CABLES1: variants seen among roughly 807,000 people sequenced by gnomAD.
CABLES1 encodes the protein Cdk5 and Abl enzyme substrate 1.
A neutral mutation model predicts 57.8 loss-of-function variants in CABLES1; 36 were observed. The ratio of observed to expected loss-of-function variants is 0.62; its 90% CI spans 0.48 to 0.82. The LOEUF is 0.82. Ranked by LOEUF, CABLES1 falls within the 40% of genes least tolerant of loss-of-function variation. The pLI, the probability that CABLES1 is intolerant of heterozygous loss-of-function variation, is 0.00. For synonymous variants in CABLES1, 374 were observed against 363.0 expected (o/e 1.03, Z -0.35); for missense variants, 767 against 836.6 (o/e 0.92, Z 1.03).
At chr18:23,224,356 G>A (rs1007755108) in intron 4 of CABLES1, among the ~76,000 whole-genome samples, 1 of 152,018 alleles carries the variant, frequency 6.6e-6, no homozygotes, top group African/African-American at 2.4e-5. Context: ...AGGCAGTGTG[G>A]TGCTTGGGAA....
intron 6 of CABLES1, among the ~76,000 whole-genome samples, chr18:23,236,460 A>G (rs2047613856): frequency 6.6e-6 from 1 of 151,820 alleles, no homozygotes; most frequent in African/African-American, 2.4e-5. Context: ...CTTTGTGCCT[A>G]TCTTGGTGGG....
chr18:23,164,056 G>A (rs2047023815), intron 1 of CABLES1, among the ~76,000 whole-genome samples: 1 of 152,150 alleles, frequency 6.6e-6, no homozygotes, highest in Admixed American at 6.5e-5. Context: ...TAACTACTGT[G>A]CCATGCTGTG....
intron 3 of CABLES1, among the ~76,000 whole-genome samples, chr18:23,212,183 A>C (rs1334176051): frequency 1.3e-5 from 2 of 152,252 alleles, no homozygotes; most frequent in Non-Finnish European, 2.9e-5. Context: ...TTCTGAGTCC[A>C]TGGACTAGGC....
chr18:23,215,846 C>T (rs185239709), intron 4 of CABLES1, among the ~76,000 whole-genome samples: 24 of 152,056 alleles, frequency 1.6e-4, no homozygotes, highest in Non-Finnish European at 2.6e-4. Context: ...CTCCGCCTCC[C>T]GGGTTCACGC....
intron 1 of CABLES1, among the ~76,000 whole-genome samples, chr18:23,165,301 T>C (rs2047034650): frequency 6.6e-6 from 1 of 152,314 alleles, no homozygotes. Flanking sequence ...TCTCACTATG[T>C]TGCTTAGGCT....
chr18:23,189,040 G>A (rs1337731405), intron 2 of CABLES1, 131 bp downstream of exon 2: 17 of 629,936 alleles, frequency 2.7e-5, no homozygotes, highest in Non-Finnish European at 4.7e-5. Context: ...GGGACTATGG[G>A]ACATCTCCTA....
At position 23,234,630 on chromosome 18, in the gene CABLES1, A is replaced by G. The variant is rs533750407; in HGVS notation, c.1111A>G (p.Arg371Gly). 5 of 1,613,952 alleles carry G rather than the reference A, an allele frequency of 3.1e-6. No homozygotes were observed. The highest frequency in any genetic ancestry group is 1.1e-5 in the South Asian group (1 of 91,072). The change falls in exon 5 of 10, where the codon AGA becomes GGA. Residue 371 changes from arginine (R) to glycine (G), a missense_variant. By Grantham distance (125) the Arg-to-Gly change is moderately radical (BLOSUM62 -2). This residue lies in a region of CABLES1 where 529 missense variants were observed against 622.8 expected (regional missense o/e 0.85). Coordinates refer to ENST00000256925, the MANE Select transcript of CABLES1 (RefSeq NM_001100619.3). Reference protein sequence around the residue: ...QVGDLKLDGGRQSTGAVSLKE... With the variant: ...QVGDLKLDGGGQSTGAVSLKE... ...CAGGGACTTGAAGTTGGACGGAGGA[A>G]GACAATCAACTGGTGCAGTGAGTTT...
rs1376062397 is a variant in CABLES1 at position 23,211,603 on chromosome 18, T to G, written c.1011-2374T>G. ...GGCAGACTTATTAGTACCCAAAAAG[T>G]CCGTGGGTACCCAGTCACGCCCCCA... On this transcript the variant is annotated intron_variant, in intron 3 of 9. Coordinates refer to ENST00000256925, the MANE Select transcript of CABLES1 (RefSeq NM_001100619.3). 2.0e-5 allele frequency among the ~76,000 whole-genome samples: 3 copies of G among 152,200 alleles called. No homozygotes were observed. The East Asian group carries it at 5.8e-4, about 29-fold the overall frequency.
intron 1 of CABLES1, among the ~76,000 whole-genome samples, chr18:23,153,515 C>G (rs2046946293): frequency 6.6e-6 from 1 of 152,116 alleles, no homozygotes; most frequent in African/African-American, 2.4e-5. Flanking sequence ...AGACAGATCA[C>G]TTGAGGTCAG....
At chr18:23,255,923 A>C (rs2048154110) in intron 9 of CABLES1, among the ~76,000 whole-genome samples, 1 of 152,174 alleles carries the variant, frequency 6.6e-6, no homozygotes, top group Admixed American at 6.5e-5. Context: ...ATGCACATTT[A>C]ATCATAGTTG....
In CABLES1 at chr18:23,201,564, A is replaced by G. The variant is rs143506038; in HGVS notation, c.1010+7024A>G. Among the ~76,000 whole-genome samples, 147 of 152,358 alleles carry G rather than the reference A, an allele frequency of 9.6e-4. 1 individual carries two copies. Among genetic ancestry groups the G allele is most frequent in the Middle Eastern group, 6.8e-3 (2 of 294 alleles). The stretch of plus-strand genomic sequence containing the variant: ...AATAGTCCATACAGACAGAAAGTAG[A>G]TAAGAGGTTACCAGGGTTTAGGGCA... On this transcript the variant is annotated intron_variant, in intron 3 of 9. Coordinates refer to ENST00000256925, the MANE Select transcript of CABLES1 (RefSeq NM_001100619.3).
At position 23,135,918 on chromosome 18, in the gene CABLES1, C is replaced by A; in HGVS notation, c.156C>A (p.Pro52=). The part of the protein sequence containing the change: ...AAPAQPPPEP[P]RKPRMDPRRR... ...CGGCCCAGCCGCCGCCCGAACCCCC[C>A]CGGAAGCCGCGCATGGACCCGCGGC... The change falls in exon 1 of 10, where the codon CCC becomes CCA. Residue 52 remains proline (P), a synonymous_variant. Coordinates refer to ENST00000256925, the MANE Select transcript of CABLES1 (RefSeq NM_001100619.3). 1.8e-6 allele frequency: 2 copies of A among 1,095,386 alleles called. No individual in the cohort carries two copies. The highest frequency in any genetic ancestry group is 2.2e-6 in the Non-Finnish European group (2 of 905,158). The allele number at this position is 1,095,386 out of a possible 1,614,324, so 67.9% of individuals were successfully genotyped here.
At chr18:23,184,573 C>T (rs554823125) in intron 1 of CABLES1, among the ~76,000 whole-genome samples, 214 of 152,006 alleles carry the variant, frequency 1.4e-3, no homozygotes, top group African/African-American at 4.8e-3. Flanking sequence ...TGTGGTCGCG[C>T]GCACCTGTAA....
intron 1 of CABLES1, among the ~76,000 whole-genome samples, chr18:23,173,270 C>T (rs2047096422): frequency 6.6e-6 from 1 of 152,214 alleles, no homozygotes; most frequent in African/African-American, 2.4e-5. Context: ...TCAAGCCTAA[C>T]CTGCTGCCTG....
At chr18:23,189,160 C>T in intron 2 of CABLES1, 1 of 429,804 alleles carries the variant, frequency 2.3e-6, no homozygotes. Flanking sequence ...TTCCGTGGCG[C>T]CTCTTCATTT....
chr18:23,234,516 G>C (rs145508448), intron 4 of CABLES1, 92 bp from the exon 5 acceptor site: 2 of 923,158 alleles, frequency 2.2e-6, no homozygotes, highest in African/African-American at 1.6e-5. Flanking sequence ...ATTTTCATCG[G>C]TGTGACTGTG....
At chr18:23,176,035 A>G (rs2047120988) in intron 1 of CABLES1, among the ~76,000 whole-genome samples, 1 of 152,220 alleles carries the variant, frequency 6.6e-6, no homozygotes, top group East Asian at 1.9e-4. Flanking sequence ...GAATTCAGAA[A>G]ATGTCAGGGA....
chr18:23,206,153 G>A (rs2047361588), intron 3 of CABLES1, among the ~76,000 whole-genome samples: 1 of 152,022 alleles, frequency 6.6e-6, no homozygotes, highest in Admixed American at 6.6e-5. Context: ...CTTCCTCCCT[G>A]CCCACCGTCC....
chr18:23,135,259 C>T (rs920520664), upstream of CABLES1, among the ~76,000 whole-genome samples: 1 of 152,156 alleles, frequency 6.6e-6, no homozygotes, highest in Non-Finnish European at 1.5e-5. Flanking sequence ...CCCGGACAGC[C>T]GGGCCGATCC....
Sources: allele counts gnomAD v4.1 joint callset (sites outside exome capture counted in the v4.1 genomes callset), GRCh38; gene constraint gnomAD v4.1.1; regional missense constraint gnomAD v4.1.1; transcripts MANE v1.5; gene names NCBI Gene and HGNC (gene_info 2026-07-23, HGNC 2026-07-21).